Variants in SCN11A observed in about 807,000 individuals in gnomAD.
SCN11A encodes sodium channel protein type 11 subunit alpha.
SCN11A carries 122 observed loss-of-function variants against 162.2 expected under a neutral mutation model. The ratio of observed to expected loss-of-function variants is 0.75; its 90% CI spans 0.65 to 0.87. The LOEUF (loss-of-function observed/expected upper bound fraction) is 0.87. Ranked by LOEUF, SCN11A falls within the 40% of genes least tolerant of loss-of-function variation. SCN11A has a pLI of 0.00. For missense variants in SCN11A, 2,015 were observed against 2,181.6 expected (o/e 0.92, Z 1.52); for synonymous variants, 758 against 751.5 (o/e 1.01, Z -0.14).
intron 1 of SCN11A, among the ~76,000 whole-genome samples, chr3:39,051,537 T>C (rs1163728270): frequency 6.6e-6 from 1 of 152,190 alleles, no homozygotes; most frequent in Non-Finnish European, 1.5e-5. Flanking sequence ...GCCACCTCCT[T>C]TGCAAGGACT....
intron 4 of SCN11A, among the ~76,000 whole-genome samples, chr3:38,951,674 A>G (rs1026070595): frequency 6.6e-6 from 1 of 152,190 alleles, no homozygotes; most frequent in African/African-American, 2.4e-5. Context: ...AAATACACCA[A>G]TCAGCACCCT....
At chr3:38,998,754 G>A (rs923031405) in intron 2 of SCN11A, among the ~76,000 whole-genome samples, 41 of 152,054 alleles carry the variant, frequency 2.7e-4, no homozygotes, top group African/African-American at 9.2e-4. Context: ...CATGTCCTTT[G>A]TAGGGACATG....
intron 1 of SCN11A, among the ~76,000 whole-genome samples, chr3:39,033,800 C>G (rs1003514782): frequency 3.3e-5 from 5 of 151,942 alleles, no homozygotes; most frequent in African/African-American, 1.2e-4. Context: ...CTTGTTATTG[C>G]CTAAACAATA....
At chr3:38,986,508 G>A (rs1197539939) in intron 2 of SCN11A, among the ~76,000 whole-genome samples, 1 of 152,158 alleles carries the variant, frequency 6.6e-6, no homozygotes, top group Non-Finnish European at 1.5e-5. Context: ...GATGCAGTGA[G>A]GTGACCACAA....
At chr3:38,958,496 C>A (rs1200733442) in intron 3 of SCN11A, among the ~76,000 whole-genome samples, 2 of 152,244 alleles carry the variant, frequency 1.3e-5, no homozygotes, top group Non-Finnish European at 2.9e-5. Context: ...AATATCCTCA[C>A]AATGTCCAAT....
At chr3:38,964,956 G>A (rs2066772277) in intron 2 of SCN11A, among the ~76,000 whole-genome samples, 1 of 152,214 alleles carries the variant, frequency 6.6e-6, no homozygotes, top group Non-Finnish European at 1.5e-5. Context: ...ATAAGCAGAT[G>A]TCAATGGACA....
Position 38,925,453 on chromosome 3 carries a change from C to T in SCN11A, c.674G>A (p.Arg225His), listed in dbSNP as rs759631305. The change falls in exon 9 of 30, where the codon CGT becomes CAT. Residue 225 changes from arginine (R) to histidine (H), a missense_variant. Physicochemically the swap from Arg to His is conservative, Grantham distance 29. Transcript: ENST00000302328. ...TIKLLPLRTF[R>H]VFRALKAISV... ...AATTGCTTTCAAAGCTCTGAACACA[C>T]GGAAGGTACGCAGGGGCAATAGTTT... is the stretch of plus-strand genomic sequence containing the variant. 9 of 1,613,598 alleles carry T rather than the reference C, an allele frequency of 5.6e-6. No homozygotes were observed. The highest frequency in any genetic ancestry group is 2.2e-5 in the East Asian group (1 of 44,876).
At chr3:38,964,567 G>A (rs1334162854) in intron 2 of SCN11A, among the ~76,000 whole-genome samples, 3 of 152,198 alleles carry the variant, frequency 2.0e-5, no homozygotes, top group African/African-American at 7.2e-5. Context: ...TTCTGGTATG[G>A]CTTCCGAGAA....
chr3:38,862,490 C>T (rs2064980505), intron 28 of SCN11A, among the ~76,000 whole-genome samples: 1 of 152,048 alleles, frequency 6.6e-6, no homozygotes, highest in Admixed American at 6.6e-5. Context: ...TGAAACCAAC[C>T]TAAATGCCTG....
chr3:38,977,362 T>C (rs2125589102), intron 2 of SCN11A, among the ~76,000 whole-genome samples: 1 of 152,296 alleles, frequency 6.6e-6, no homozygotes, highest in South Asian at 2.1e-4. Context: ...GGCTCCCCAT[T>C]GGCACTGGAT....
chr3:38,952,309 C>T (rs61741378), intron 4 of SCN11A, among the ~76,000 whole-genome samples: 2,431 of 152,256 alleles, frequency 0.016, 67 homozygotes, highest in African/African-American at 0.056. Context: ...CCACAGGGTT[C>T]AAACTAGACA....
intron 2 of SCN11A, among the ~76,000 whole-genome samples, chr3:39,002,949 TAA>T (rs2030861271): frequency 6.6e-6 from 1 of 152,216 alleles, no homozygotes; most frequent in Non-Finnish European, 1.5e-5. Flanking sequence ...TTTAGAAAAT[TAA>T]AAGTTGTTTA....
At chr3:38,941,482 T>C (rs1335353660) in intron 7 of SCN11A, among the ~76,000 whole-genome samples, 2 of 152,212 alleles carry the variant, frequency 1.3e-5, no homozygotes, top group Non-Finnish European at 2.9e-5. Context: ...TTAAAAGGCA[T>C]GTGCCCATTA....
rs113430689 is a variant in SCN11A, at chr3:38,850,621, G to T, written c.4187C>A (p.Ser1396Tyr). 4.3e-6 allele frequency: 7 copies of T among 1,613,978 alleles called. No homozygotes were observed. Among genetic ancestry groups the T allele is most frequent in the African/African-American group, 4.0e-5 (3 of 75,016 alleles). The change falls in exon 29 of 30, where the codon TCC (serine) becomes TAC (tyrosine). Residue 1396 changes from serine (S) to tyrosine (Y), a missense_variant. Ser to Tyr is a moderately radical substitution (Grantham distance 144). Coordinates refer to ENST00000302328, the MANE Select transcript of SCN11A (RefSeq NM_001349253.2). ...ESYNQPKAMK[S>Y]ILDHLNWVFV... ...GACCCAGTTGAGATGGTCAAGGATG[G>T]ATTTCATGGCTTTGGGTTGGTTGTA...
chr3:38,987,299 TCTCTCACACACACACA>T (rs1459987035), intron 2 of SCN11A, among the ~76,000 whole-genome samples: 2 of 111,700 alleles, frequency 1.8e-5, no homozygotes, highest in African/African-American at 4.6e-5. Context: ...TCTCTCTCTC[TCTCTCACACACACACA>T]CACACACACA....
intron 19 of SCN11A, among the ~76,000 whole-genome samples, chr3:38,891,862 G>T (rs980130016): frequency 2.6e-5 from 4 of 152,130 alleles, no homozygotes; most frequent in Non-Finnish European, 5.9e-5. Flanking sequence ...GTTACTTTGG[G>T]AATTAATTCT....
chr3:38,956,983 G>T (rs1025657601), intron 3 of SCN11A, among the ~76,000 whole-genome samples: 16 of 152,130 alleles, frequency 1.1e-4, no homozygotes, highest in African/African-American at 3.9e-4. Flanking sequence ...GAATCATGGG[G>T]AGCCCAGAAG....
At chr3:39,042,172 G>T (rs918841934) in intron 1 of SCN11A, among the ~76,000 whole-genome samples, 2 of 152,158 alleles carry the variant, frequency 1.3e-5, no homozygotes, top group East Asian at 3.9e-4. Flanking sequence ...AGGAGGCCAA[G>T]GCAGGAATAT....
At chr3:38,968,435 A>T (rs2066796326) in intron 2 of SCN11A, among the ~76,000 whole-genome samples, 1 of 152,248 alleles carries the variant, frequency 6.6e-6, no homozygotes, top group African/African-American at 2.4e-5. Flanking sequence ...TAATGGGGAT[A>T]GCAACATTAT....
Sources: allele counts gnomAD v4.1 joint callset (sites outside exome capture counted in the v4.1 genomes callset), GRCh38; gene constraint gnomAD v4.1.1; transcripts MANE v1.5; gene names NCBI Gene and HGNC (gene_info 2026-07-23, HGNC 2026-07-21).